The following NRG3 variants were observed in gnomAD, a reference collection of about 807,000 sequenced individuals.
The protein encoded by NRG3 is neuregulin 3.
NRG3 carries 31 observed loss-of-function variants against 66.9 expected under a neutral mutation model. The observed-to-expected ratio is 0.46, with a 90% CI of 0.35 to 0.63. The LOEUF (loss-of-function observed/expected upper bound fraction) is 0.63. Ranked by LOEUF, NRG3 falls within the 20% of genes least tolerant of loss-of-function variation. The probability of loss-of-function intolerance (pLI) is 0.00; values close to 1 mark genes in which losing one functional copy is unlikely to be tolerated. For synonymous variants in NRG3, 393 were observed against 359.4 expected, an observed-to-expected ratio of 1.09 and a Z score of -1.06; for missense variants, 910 against 878.9, an observed-to-expected ratio of 1.04 and a Z score of -0.45.
At chr10:82,213,601 AT>A (rs1302093717) in intron 1 of NRG3, among the ~76,000 whole-genome samples, 3 of 152,216 alleles carry the variant, frequency 2.0e-5, no homozygotes, top group Non-Finnish European at 4.4e-5. Context: ...CCTGTATTCT[AT>A]TGAAAGCACT....
chr10:82,179,629 T>C (rs2073279033), intron 1 of NRG3, among the ~76,000 whole-genome samples: 1 of 151,930 alleles, frequency 6.6e-6, no homozygotes, highest in African/African-American at 2.4e-5. Flanking sequence ...CAGTACCATA[T>C]TTTTTTATTA....
rs145280424 is a variant in NRG3, at chr10:81,988,789, G to C, written c.823+112626G>C. Among the ~76,000 whole-genome samples, 4 of 152,112 alleles carry C rather than the reference G, an allele frequency of 2.6e-5. No individual in the cohort carries two copies. In the East Asian group the frequency reaches 7.7e-4, roughly 29 times the overall value. On this transcript the variant is annotated intron_variant, in intron 1 of 8. Transcript: ENST00000372141. ...AAGGCTGATAAGGAGCAGAGAACTT[G>C]TGGTCTTAGCAGCCCACATTAAGGA... is the stretch of plus-strand genomic sequence containing the variant.
chr10:81,918,070 C>T (rs185917623), intron 1 of NRG3, among the ~76,000 whole-genome samples: 13 of 152,224 alleles, frequency 8.5e-5, no homozygotes, highest in South Asian at 2.1e-4. Context: ...ATCTGTGTCC[C>T]GAGTGGAACA....
chr10:82,586,489 G>T (rs2046676964), intron 2 of NRG3, among the ~76,000 whole-genome samples: 1 of 152,094 alleles, frequency 6.6e-6, no homozygotes, highest in Non-Finnish European at 1.5e-5. Context: ...GAGTTTAATT[G>T]CTGGTTATGC....
intron 2 of NRG3, among the ~76,000 whole-genome samples, chr10:82,506,213 A>C (rs1373044308): frequency 6.6e-6 from 1 of 152,164 alleles, no homozygotes; most frequent in Non-Finnish European, 1.5e-5. Flanking sequence ...GCGCCACTGC[A>C]CTCCAGCCTA....
chr10:82,985,522 CT>C lies in NRG3; in HGVS notation c.2009del (p.Leu670ArgfsTer15). Reference sequence around the variant, plus strand: ...AAGCGAAAACACAGCCTTTCTCCCCCTGAGTCCCACAGCCAAATCAGAACGA... The same window carrying C: ...AAGCGAAAACACAGCCTTTCTCCCCCGAGTCCCACAGCCAAATCAGAACGA... ...SASENTAFLP[L>X]SPTAKSEREA... On this transcript the variant is annotated frameshift_variant, in exon 9 of 9. Coordinates refer to ENST00000372141, the MANE Select transcript of NRG3 (RefSeq NM_001010848.4). LOFTEE classifies it high-confidence loss of function. 1 of 1,613,936 alleles carries C rather than the reference CT, an allele frequency of 6.2e-7. No homozygotes were observed. The highest frequency in any genetic ancestry group is 8.5e-7 in the Non-Finnish European group (1 of 1,179,930).
At chr10:82,072,818 G>C (rs1175536555) in intron 1 of NRG3, among the ~76,000 whole-genome samples, 1 of 151,900 alleles carries the variant, frequency 6.6e-6, no homozygotes. Context: ...CCAAGCTGGA[G>C]TGCAGTGGCA....
At chr10:82,818,931 A>G (rs1049826834) in intron 3 of NRG3, among the ~76,000 whole-genome samples, 3 of 152,214 alleles carry the variant, frequency 2.0e-5, no homozygotes, top group African/African-American at 7.2e-5. Flanking sequence ...AGAAAGTGTT[A>G]TTGACCTGCT....
chr10:82,094,249 C>T (rs1307490206), intron 1 of NRG3, among the ~76,000 whole-genome samples: 1 of 152,070 alleles, frequency 6.6e-6, no homozygotes, highest in Admixed American at 6.6e-5. Context: ...TATTGAATTG[C>T]AGTCACTAAT....
At chr10:82,411,944 G>A (rs997399211) in intron 2 of NRG3, among the ~76,000 whole-genome samples, 4 of 152,038 alleles carry the variant, frequency 2.6e-5, no homozygotes, top group South Asian at 4.2e-4. Flanking sequence ...AAAAGAAAGC[G>A]AGATAAACTG....
Position 82,254,226 on chromosome 10 carries a change from A to G in NRG3, c.824-104513A>G, listed in dbSNP as rs79582141. On this transcript the variant is annotated intron_variant, in intron 1 of 8. Transcript: ENST00000372141. ...AAGGTTCCAGATATGCTCACTTACT[A>G]TTATAAGCCAGGATCTAGTACAGTG... is the stretch of plus-strand genomic sequence containing the variant. 8.6e-3 allele frequency among the ~76,000 whole-genome samples: 1,309 copies of G among 152,316 alleles called. 13 individuals are homozygous for G. The highest frequency in any genetic ancestry group is 0.029 in the African/African-American group (1,226 of 41,562).
chr10:82,607,357 T>A (rs2048031799), intron 2 of NRG3, among the ~76,000 whole-genome samples: 1 of 128,598 alleles, frequency 7.8e-6, no homozygotes, highest in Non-Finnish European at 1.8e-5. Flanking sequence ...CACTGATAAT[T>A]CTCTTTGCTC....
At chr10:82,224,948 G>A (rs887969722) in intron 1 of NRG3, among the ~76,000 whole-genome samples, 1 of 151,796 alleles carries the variant, frequency 6.6e-6, no homozygotes, top group African/African-American at 2.4e-5. Context: ...CTTTACCATT[G>A]CTGCTACAAT....
chr10:81,897,287 C>G (rs1028803125), intron 1 of NRG3, among the ~76,000 whole-genome samples: 1 of 152,030 alleles, frequency 6.6e-6, no homozygotes, highest in African/African-American at 2.4e-5. Flanking sequence ...ACCACAGGGA[C>G]CTAGGTAGGG....
intron 1 of NRG3, among the ~76,000 whole-genome samples, chr10:82,309,385 T>C (rs1023905656): frequency 5.9e-5 from 9 of 152,180 alleles, no homozygotes; most frequent in Non-Finnish European, 1.3e-4. Flanking sequence ...ACTTGTAGTA[T>C]TTCAAAGTCT....
At chr10:82,102,131 T>TATATATA (rs2066782175) in intron 1 of NRG3, among the ~76,000 whole-genome samples, 1 of 8,752 alleles carries the variant, frequency 1.1e-4, no homozygotes, top group South Asian at 5.6e-3. Context: ...TATATGTGTA[T>TATATATA]TCATATATAT....
At chr10:82,023,594 T>A (rs2062161167) in intron 1 of NRG3, among the ~76,000 whole-genome samples, 1 of 152,092 alleles carries the variant, frequency 6.6e-6, no homozygotes, top group African/African-American at 2.4e-5. Flanking sequence ...GGAATGCTTT[T>A]TCAGCAGCTA....
chr10:82,388,185 TA>T (rs10706158), intron 2 of NRG3, among the ~76,000 whole-genome samples: 61,528 of 151,992 alleles, frequency 0.4, 15,269 homozygotes, highest in African/African-American at 0.7. Flanking sequence ...AGAGATTCAT[TA>T]AAAAACATTA....
chr10:82,173,639 C>T (rs925226508), intron 1 of NRG3, among the ~76,000 whole-genome samples: 1 of 147,520 alleles, frequency 6.8e-6, no homozygotes, highest in Non-Finnish European at 1.5e-5. Flanking sequence ...ACCTAGAGAC[C>T]CTCATGTAAA....
Sources: allele counts gnomAD v4.1 joint callset (sites outside exome capture counted in the v4.1 genomes callset), GRCh38; gene constraint gnomAD v4.1.1; transcripts MANE v1.5; gene names NCBI Gene and HGNC (gene_info 2026-07-23, HGNC 2026-07-21).